Variants in TAFA2 observed in about 807,000 individuals in gnomAD.
TAFA2 encodes the protein chemokine-like protein TAFA-2.
TAFA2 carries 7 observed loss-of-function variants against 18.8 expected under a neutral mutation model. The observed-to-expected ratio is 0.37, with a 90% confidence interval of 0.21 to 0.70. The LOEUF (loss-of-function observed/expected upper bound fraction) is 0.70. TAFA2 is among the 30% of genes least tolerant of loss of function. The pLI is 0.53. For missense variants in TAFA2, 122 were observed against 158.1 expected, an observed-to-expected ratio of 0.77 and a Z score of 1.23; for synonymous variants, 60 against 54.2, an observed-to-expected ratio of 1.11 and a Z score of -0.47.
intron 4 of TAFA2, among the ~76,000 whole-genome samples, chr12:61,745,136 A>C (rs188458013): frequency 2.0e-5 from 3 of 152,050 alleles, no homozygotes; most frequent in Admixed American, 1.3e-4. Context: ...AGAAATATCA[A>C]ATTTAAGGTG....
chr12:61,889,151 C>T (rs1305464740), intron 1 of TAFA2, among the ~76,000 whole-genome samples: 1 of 152,176 alleles, frequency 6.6e-6, no homozygotes, highest in Admixed American at 6.5e-5. Context: ...TTAGCTAACA[C>T]ACATGATGCA....
intron 1 of TAFA2, among the ~76,000 whole-genome samples, chr12:62,240,711 G>A (rs1285017016): frequency 6.6e-6 from 1 of 152,078 alleles, no homozygotes; most frequent in Non-Finnish European, 1.5e-5. Context: ...CAATAAAGCA[G>A]GGGTTCCCAA....
chr12:62,081,837 G>C (rs1868330184), intron 1 of TAFA2, among the ~76,000 whole-genome samples: 1 of 152,090 alleles, frequency 6.6e-6, no homozygotes, highest in African/African-American at 2.4e-5. Flanking sequence ...GTGCAGGTTT[G>C]TTAGGTAGGT....
chr12:61,886,223 C>T (rs1383532249), intron 1 of TAFA2, among the ~76,000 whole-genome samples: 1 of 152,146 alleles, frequency 6.6e-6, no homozygotes, highest in Non-Finnish European at 1.5e-5. Context: ...GGAGACCTGA[C>T]CCATTACCAT....
chr12:61,776,189 T>C, intron 2 of TAFA2: 7 of 303,904 alleles, frequency 2.3e-5, no homozygotes, highest in South Asian at 1.7e-4. Flanking sequence ...AAAGAATTAA[T>C]GTGTGTATTG....
At position 62,164,097 on chromosome 12, in the gene TAFA2, T is replaced by G. The variant is rs566622542; in HGVS notation, c.-2+27162A>C. 9.2e-5 allele frequency among the ~76,000 whole-genome samples: 14 copies of G among 152,262 alleles called. No individual in the cohort carries two copies. In the South Asian group the frequency reaches 2.9e-3, roughly 32 times the overall value. On this transcript the variant is annotated intron_variant, in intron 1 of 4. Coordinates refer to ENST00000416284, the MANE Select transcript of TAFA2 (RefSeq NM_178539.5). ...GAGAGTGGAACAAGAAATCTTGTAT[T>G]TGATTTGTTTTCACAAGTACGATTC... is the stretch of plus-strand genomic sequence containing the variant.
chr12:62,011,255 A>G (rs923898931), intron 1 of TAFA2, among the ~76,000 whole-genome samples: 6 of 152,196 alleles, frequency 3.9e-5, no homozygotes, highest in African/African-American at 1.4e-4. Context: ...CAGAAGAGAC[A>G]GTGACCATCG....
At chr12:61,864,170 A>G (rs1212089149) in intron 2 of TAFA2, among the ~76,000 whole-genome samples, 1 of 152,114 alleles carries the variant, frequency 6.6e-6, no homozygotes, top group Non-Finnish European at 1.5e-5. Flanking sequence ...ATACATTATA[A>G]TGACAGGCCT....
At chr12:62,201,697 G>T (rs1389074291) in intron 1 of TAFA2, among the ~76,000 whole-genome samples, 3 of 151,824 alleles carry the variant, frequency 2.0e-5, no homozygotes, top group African/African-American at 4.8e-5. Flanking sequence ...CTTTGTTGTT[G>T]TTGTTGCTGT....
rs2120522620 is a variant in TAFA2, at chr12:61,709,140, A to G, written c.*1266T>C. The G allele has an allele frequency of 6.5e-6, 1 of 152,682 alleles. No homozygotes were observed. The highest frequency in any genetic ancestry group is 2.1e-4 in the South Asian group (1 of 4,824). 9.5% of individuals were successfully genotyped at this position (152,682 alleles called of 1,614,324 possible). ...ATCACAAATGAAACAAAATAAATGT[A>G]GTACAAAATTATACATTCTATAACT... On this transcript the variant is annotated 3_prime_UTR_variant, in exon 5 of 5. Coordinates refer to ENST00000416284, the MANE Select transcript of TAFA2 (RefSeq NM_178539.5).
intron 1 of TAFA2, among the ~76,000 whole-genome samples, chr12:62,036,035 C>T (rs117170925): frequency 0.069 from 10,422 of 152,062 alleles, 459 homozygotes; most frequent in Non-Finnish European, 0.11. Context: ...CCACCGCGCC[C>T]GGCCAATGAT....
intron 4 of TAFA2, among the ~76,000 whole-genome samples, chr12:61,724,288 G>A (rs551535470): frequency 1.3e-5 from 2 of 152,132 alleles, no homozygotes; most frequent in South Asian, 2.1e-4. Context: ...TGAACAAAGA[G>A]AAGACACATT....
intron 2 of TAFA2, among the ~76,000 whole-genome samples, chr12:61,863,779 C>A (rs1480732497): frequency 1.3e-5 from 2 of 152,112 alleles, no homozygotes; most frequent in African/African-American, 4.8e-5. Context: ...TTCACAGGTG[C>A]CCCCTTCTTT....
intron 1 of TAFA2, among the ~76,000 whole-genome samples, chr12:61,975,675 A>T (rs1879407563): frequency 6.6e-6 from 1 of 151,888 alleles, no homozygotes; most frequent in African/African-American, 2.4e-5. Context: ...GGTAGGTGCA[A>T]TTCTACTTAT....
chr12:61,861,256 C>CTTTT (rs1172711323), intron 2 of TAFA2, among the ~76,000 whole-genome samples: 2 of 117,146 alleles, frequency 1.7e-5, no homozygotes, highest in Non-Finnish European at 1.8e-5. Context: ...CTGGCCTCGC[C>CTTTT]TTTTTTTTTT....
chr12:61,975,733 C>T (rs1439203591), intron 1 of TAFA2, among the ~76,000 whole-genome samples: 2 of 151,662 alleles, frequency 1.3e-5, no homozygotes, highest in Non-Finnish European at 2.9e-5. Flanking sequence ...ATGATTATCC[C>T]CTTTGAGGTT....
At chr12:62,044,732 T>C (rs1345148435) in intron 1 of TAFA2, among the ~76,000 whole-genome samples, 1 of 152,168 alleles carries the variant, frequency 6.6e-6, no homozygotes, top group Non-Finnish European at 1.5e-5. Context: ...AGAACTAGGC[T>C]CCATCTTTAT....
At chr12:61,772,912 G>T (rs1245237662) in intron 2 of TAFA2, among the ~76,000 whole-genome samples, 1 of 151,916 alleles carries the variant, frequency 6.6e-6, no homozygotes, top group Non-Finnish European at 1.5e-5. Flanking sequence ...TGAAGAGGAA[G>T]TCAAACTGTC....
intron 1 of TAFA2, among the ~76,000 whole-genome samples, chr12:61,924,450 A>G (rs1391719474): frequency 6.6e-6 from 1 of 152,226 alleles, no homozygotes; most frequent in African/African-American, 2.4e-5. Flanking sequence ...TTCTTAAAGA[A>G]AAGAATTTTC....
Sources: gnomAD v4.1 joint callset for allele counts (sites outside exome capture counted in the v4.1 genomes callset) on GRCh38, gnomAD v4.1.1 for gene constraint, MANE v1.5 for transcripts, NCBI Gene and HGNC (gene_info 2026-07-23, HGNC 2026-07-21) for gene names.